The following DIXDC1 variants were observed in gnomAD, a reference collection of about 807,000 sequenced individuals.
DIXDC1 encodes the protein dixin.
A neutral mutation model predicts 103.1 loss-of-function variants in DIXDC1; 64 were observed. The observed-to-expected ratio is 0.62, with a 90% CI of 0.51 to 0.76. The LOEUF is 0.76. DIXDC1 is among the 30% of genes least tolerant of loss of function. The pLI is 0.00. For synonymous variants in DIXDC1, 266 were observed against 298.5 expected, an observed-to-expected ratio of 0.89 and a Z score of 1.12; for missense variants, 759 against 834.2, an observed-to-expected ratio of 0.91 and a Z score of 1.11.
chr11:111,943,683 G>C (rs896185646), intron 1 of DIXDC1, among the ~76,000 whole-genome samples: 28 of 151,768 alleles, frequency 1.8e-4, no homozygotes, highest in African/African-American at 6.5e-4. Context: ...TGTATTTTCA[G>C]TAGAGATGGG....
At chr11:111,988,955 C>A in intron 9 of DIXDC1, 50 bp from the exon 10 acceptor site, 1 of 1,550,506 alleles carries the variant, frequency 6.4e-7, no homozygotes, top group Non-Finnish European at 8.8e-7. Flanking sequence ...GTAATGCATT[C>A]TGAAGCAACC....
rs71461600 is a variant in DIXDC1, at chr11:111,955,987, TACACACACACAC to T, written c.61-8537_61-8526del. On this transcript the variant is annotated intron_variant, in intron 1 of 19. Transcript: ENST00000440460. ...AAAATGTGGTGCATATATATATGTGTACACACACACACACACACACACACACACACACACACG... is the reference window on the plus strand; with the variant it reads ...AAAATGTGGTGCATATATATATGTGTACACACACACACACACACACACACG... 5.2e-4 allele frequency among the ~76,000 whole-genome samples: 74 copies of T among 142,622 alleles called. 1 individual carries two copies. The highest frequency in any genetic ancestry group is 4.3e-3 in the East Asian group (21 of 4,852). The allele number at this position is 142,622 out of a possible 152,430, so 93.6% of individuals were successfully genotyped here.
rs587608731 is a variant in DIXDC1 at position 111,987,022 on chromosome 11, G to A, written c.1062+98G>A. The A allele has an allele frequency of 3.9e-4, 362 of 936,802 alleles. 6 individuals are homozygous for A. In the East Asian group the frequency reaches 0.01, roughly 27 times the overall value. 58.0% of individuals were successfully genotyped at this position (936,802 alleles called of 1,614,324 possible). On this transcript the variant is annotated intron_variant, in intron 9 of 19. Coordinates refer to ENST00000440460, the MANE Select transcript of DIXDC1 (RefSeq NM_001037954.4). ...TCCCAGCACTTTGAGAGGCCGAGGC[G>A]GGCAGATCACAAGGTCAGGAGATCG... is the stretch of plus-strand genomic sequence containing the variant.
intron 17 of DIXDC1, among the ~76,000 whole-genome samples, chr11:112,012,109 ATTG>A (rs1283695893): frequency 1.3e-5 from 2 of 152,226 alleles, no homozygotes; most frequent in African/African-American, 4.8e-5. Context: ...AGTACTCAAC[ATTG>A]TTAAGATGGC....
At position 111,977,147 on chromosome 11, in the gene DIXDC1, TCCCCACCCCCAC is replaced by T; in HGVS notation, c.656+2166_656+2177del. ...CGCATCCCCCAACCCCTCGTCGACG[TCCCCACCCCCAC>T]CTCCACCCCGCCCAGCCCCGCCCCT... On this transcript the variant is annotated intron_variant, in intron 5 of 19. Transcript: ENST00000440460. This position sits in a 1 kb window ranked among gnomAD's most constrained non-coding sequence, Gnocchi z 6.1. 1 of 545,330 alleles carries T rather than the reference TCCCCACCCCCAC, an allele frequency of 1.8e-6. No individual in the cohort carries two copies. The highest frequency in any genetic ancestry group is 2.3e-6 in the Non-Finnish European group (1 of 427,672). The allele number at this position is 545,330 out of a possible 1,614,324, so 33.8% of individuals were successfully genotyped here.
chr11:111,964,492 G>A (rs1168016646), intron 1 of DIXDC1, 57 bp from the exon 2 acceptor site: 3 of 1,547,922 alleles, frequency 1.9e-6, no homozygotes, highest in African/African-American at 1.4e-5. Context: ...GAGGGTATGA[G>A]GTAAGGGTTG....
At chr11:111,999,997 G>T (rs1328400477) in intron 17 of DIXDC1, among the ~76,000 whole-genome samples, 1 of 152,150 alleles carries the variant, frequency 6.6e-6, no homozygotes, top group African/African-American at 2.4e-5. Flanking sequence ...TTAGCTGGGG[G>T]TGGTGGCAGG....
At chr11:111,996,210 C>A in intron 17 of DIXDC1, 64 bp downstream of exon 17, 1 of 1,431,958 alleles carries the variant, frequency 7.0e-7, no homozygotes, top group South Asian at 1.3e-5. Flanking sequence ...TAGTATTTTT[C>A]ACACTACATT....
chr11:112,019,107 A>T lies in DIXDC1; in HGVS notation c.*71A>T. 7.4e-7 allele frequency: 1 copy of T among 1,350,194 alleles called. No individual in the cohort carries two copies. The highest frequency in any genetic ancestry group is 1.4e-5 in the African/African-American group (1 of 68,974). 83.6% of individuals were successfully genotyped at this position (1,350,194 alleles called of 1,614,324 possible). A position where few individuals can be genotyped will look rare whatever the true frequency, so the allele number is the denominator to read the frequency against. The stretch of plus-strand genomic sequence containing the variant: ...GCTGCTTCACTCAGGAAAGGGAACT[A>T]AAACCAGAATACACTAAGAAGTTTC... On this transcript the variant is annotated 3_prime_UTR_variant, in exon 20 of 20. Coordinates refer to ENST00000440460, the MANE Select transcript of DIXDC1 (RefSeq NM_001037954.4).
rs782320265 is a variant in DIXDC1 at position 111,964,683 on chromosome 11, G to C, written c.190+5G>C. 3 of 1,600,480 alleles carry C rather than the reference G, an allele frequency of 1.9e-6. No individual in the cohort carries two copies. Among genetic ancestry groups the C allele is most frequent in the Middle Eastern group, 1.7e-4 (1 of 5,942 alleles). On this transcript the variant is annotated splice_donor_5th_base_variant and intron_variant, in intron 2 of 19. Transcript: ENST00000440460. ...CATATCTCATCGAGATTGTTGGTCAGTTGGCCCTGGACTCTGATACTAGAG... is the reference window on the plus strand; with the variant it reads ...CATATCTCATCGAGATTGTTGGTCACTTGGCCCTGGACTCTGATACTAGAG...
intron 1 of DIXDC1, among the ~76,000 whole-genome samples, chr11:111,949,706 T>C (rs1592552377): frequency 6.6e-6 from 1 of 152,164 alleles, no homozygotes. Flanking sequence ...TCCAACATTA[T>C]CACCTGCTCC....
At chr11:111,978,576 C>T (rs1172596850) in intron 5 of DIXDC1, among the ~76,000 whole-genome samples, 2 of 152,136 alleles carry the variant, frequency 1.3e-5, no homozygotes, top group African/African-American at 2.4e-5. Flanking sequence ...TCCAGACATC[C>T]GCCTCCTTCT....
At chr11:111,963,110 T>G (rs1272025185) in intron 1 of DIXDC1, among the ~76,000 whole-genome samples, 1 of 152,252 alleles carries the variant, frequency 6.6e-6, no homozygotes, top group Non-Finnish European at 1.5e-5. Context: ...TCTCTGAACC[T>G]CATCCATAAA....
In DIXDC1 at chr11:111,980,862, C is replaced by G. The variant is rs145331507; in HGVS notation, c.769+13C>G. The G allele has an allele frequency of 2.5e-4, 404 of 1,604,944 alleles. 2 individuals are homozygous for G. The East Asian group carries it at 8.9e-3, about 35-fold the overall frequency. On this transcript the variant is annotated intron_variant, in intron 6 of 19. Coordinates refer to ENST00000440460, the MANE Select transcript of DIXDC1 (RefSeq NM_001037954.4). ...GAGAACAGAACAGGTACTATCTCTA[C>G]GCCTGCCTGGGCTGGTTCAAGGAAC...
chr11:112,015,709 C>T (rs1018139506), intron 17 of DIXDC1, among the ~76,000 whole-genome samples: 6 of 149,992 alleles, frequency 4.0e-5, no homozygotes, highest in South Asian at 2.1e-4. Flanking sequence ...GGCTGAGGCA[C>T]GAGAATGACT....
Position 111,939,673 on chromosome 11 carries a change from T to TTCTTTCACA in DIXDC1, c.60+2116_60+2124dup, listed in dbSNP as rs587700238. Among the ~76,000 whole-genome samples, 34 of 152,336 alleles carry TTCTTTCACA rather than the reference T, an allele frequency of 2.2e-4. 1 individual carries two copies. The East Asian group carries it at 6.4e-3, about 29-fold the overall frequency. On this transcript the variant is annotated intron_variant, in intron 1 of 19. Transcript: ENST00000440460. Reference sequence around the variant, plus strand: ...GAATGGTTCCTTACAGTTTAAATAATTCTTTCACATTCTATATTAAATAAT... The same window carrying TTCTTTCACA: ...GAATGGTTCCTTACAGTTTAAATAATTCTTTCACATCTTTCACATTCTATATTAAATAAT...
rs929561251 is a variant in DIXDC1 at position 111,976,247 on chromosome 11, G to T, written c.656+1264G>T. ...CACTCTTCTGAGCCTGATAGTGCCTGCTAGAGTTGGTGGTAGGAGGAAGAG... is the reference window on the plus strand; with the variant it reads ...CACTCTTCTGAGCCTGATAGTGCCTTCTAGAGTTGGTGGTAGGAGGAAGAG... On this transcript the variant is annotated intron_variant, in intron 5 of 19. Transcript: ENST00000440460. This position sits in a 1 kb window ranked among gnomAD's most constrained non-coding sequence, Gnocchi z 4.3. 6.6e-6 allele frequency among the ~76,000 whole-genome samples: 1 copy of T among 152,170 alleles called. No individual in the cohort carries two copies. Among genetic ancestry groups the T allele is most frequent in the Non-Finnish European group, 1.5e-5 (1 of 68,030 alleles).
chr11:111,992,597 G>A, intron 11 of DIXDC1, 78 bp downstream of exon 11: 1 of 1,267,382 alleles, frequency 7.9e-7, no homozygotes, highest in East Asian at 2.5e-5. Context: ...CTATTAGACT[G>A]GCCATCCTAA....
intron 2 of DIXDC1, among the ~76,000 whole-genome samples, chr11:111,931,418 G>C (rs587774014): frequency 2.0e-5 from 3 of 152,254 alleles, no homozygotes; most frequent in East Asian, 1.9e-4. Context: ...GGGAGGCTGA[G>C]GGGGGTGGAT....
Sources: allele counts gnomAD v4.1 joint callset (sites outside exome capture counted in the v4.1 genomes callset), GRCh38; gene constraint gnomAD v4.1.1; non-coding constraint Gnocchi (gnomAD v3.1); transcripts MANE v1.5; gene names NCBI Gene and HGNC (gene_info 2026-07-23, HGNC 2026-07-21).